TPGS2: variants seen among roughly 807,000 people sequenced by gnomAD.
TPGS2 encodes the protein polyglutamylase subunit 2.
In TPGS2, 26 loss-of-function variants were observed where a neutral mutation model predicts 31.1. The observed-to-expected ratio is 0.84, with a 90% CI of 0.61 to 1.16. The LOEUF is 1.16. Ranked by LOEUF, TPGS2 falls within the 50% of genes most tolerant of loss-of-function variation. The pLI, the probability that TPGS2 is intolerant of heterozygous loss-of-function variation, is 0.00. For synonymous variants in TPGS2, 130 were observed against 136.6 expected (o/e 0.95, Z 0.34); for missense variants, 351 against 363.8 (o/e 0.96, Z 0.29).
chr18:36,797,022 G>A lies in TPGS2; in HGVS notation c.686C>T (p.Thr229Ile), dbSNP rs746727820. The A allele has an allele frequency of 1.3e-6, 2 of 1,597,970 alleles. No individual in the cohort carries two copies. Among genetic ancestry groups the A allele is most frequent in the Non-Finnish European group, 1.7e-6 (2 of 1,175,494 alleles). ...KQWFSMYKPI[T>I]YNTNLLTEET... is the part of the protein sequence containing the mutation. ...TTCTGTGAGCAGGTTTGTGTTGTAG[G>A]TGATAGGTTTATACATGCTGAACCA... Residue 229 changes from threonine to isoleucine, a missense_variant, in exon 7 of 7, where the codon ACC (threonine) becomes ATC (isoleucine). By Grantham distance (89) the Thr-to-Ile change is moderately conservative. Coordinates refer to ENST00000334295, the MANE Select transcript of TPGS2 (RefSeq NM_015476.4).
In TPGS2 at chr18:36,794,183, A is replaced by C. The variant is rs2044415727; in HGVS notation, c.*2622T>G. ...AAAACACAGCCATAACAAGTTGAGA[A>C]AGACACTATGGAAGAAAGGAAAAAC... On this transcript the variant is annotated 3_prime_UTR_variant, in exon 7 of 7. Transcript: ENST00000334295. The C allele has an allele frequency of 1.3e-6, 1 of 775,394 alleles. No individual in the cohort carries two copies. The highest frequency in any genetic ancestry group is 1.6e-6 in the Non-Finnish European group (1 of 638,172). The allele number at this position is 775,394 out of a possible 1,614,324, so 48.0% of individuals were successfully genotyped here.
At chr18:36,794,104 G>A, downstream of TPGS2, 1 of 220,082 alleles carries the variant, frequency 4.5e-6, no homozygotes, top group Non-Finnish European at 7.7e-6. Context: ...TAAAATGCAT[G>A]ATAGGAATTT....
At position 36,798,851 on chromosome 18, in the gene TPGS2, G is replaced by C. The variant is rs145454771; in HGVS notation, c.497-242C>G. On this transcript the variant is annotated intron_variant, in intron 5 of 6. Coordinates refer to ENST00000334295, the MANE Select transcript of TPGS2 (RefSeq NM_015476.4). ...GCTAGATCAGTAGATTGATCTATCT[G>C]CTGGTCTCTGACCATCTGGAAGTCC... Among the ~76,000 whole-genome samples, 588 of 152,222 alleles carry C rather than the reference G, an allele frequency of 3.9e-3. 3 individuals carry two copies. Among genetic ancestry groups the C allele is most frequent in the African/African-American group, 0.013 (528 of 41,528 alleles).
chr18:36,781,762 G>C (rs745788837), downstream of TPGS2: 34 of 985,308 alleles, frequency 3.5e-5, no homozygotes, highest in Non-Finnish European at 4.1e-5. Context: ...ATAGGCCTCT[G>C]TGCCTGTGTT....
At chr18:36,804,142 T>G (rs1302432045) in intron 4 of TPGS2, among the ~76,000 whole-genome samples, 1 of 152,196 alleles carries the variant, frequency 6.6e-6, no homozygotes, top group African/African-American at 2.4e-5. Context: ...GTGTATTCTA[T>G]TTTTTGCTGA....
At chr18:36,823,242 C>T (rs552890659) in intron 1 of TPGS2, among the ~76,000 whole-genome samples, 12 of 152,144 alleles carry the variant, frequency 7.9e-5, no homozygotes, top group Non-Finnish European at 1.6e-4. Flanking sequence ...AGCTTGGGGT[C>T]ATCTTGGAAA....
chr18:36,785,858 G>T (rs2044114128), intron 6 of TPGS2, among the ~76,000 whole-genome samples: 1 of 152,050 alleles, frequency 6.6e-6, no homozygotes, highest in Non-Finnish European at 1.5e-5. Context: ...TCTTATAAAG[G>T]GTCAACCAAA....
At chr18:36,826,777 C>G (rs1057513935) in intron 1 of TPGS2, among the ~76,000 whole-genome samples, 11 of 152,068 alleles carry the variant, frequency 7.2e-5, no homozygotes, top group African/African-American at 2.2e-4. Flanking sequence ...TCTTGGGGAA[C>G]CCTAATACAA....
chr18:36,810,312 A>T (rs1403846935), intron 2 of TPGS2, among the ~76,000 whole-genome samples: 1 of 152,222 alleles, frequency 6.6e-6, no homozygotes, highest in Non-Finnish European at 1.5e-5. Context: ...GGTTGGAGAG[A>T]AAAGTAAACA....
rs371523887 is a variant in TPGS2 at position 36,796,613 on chromosome 18, G to C, written c.*192C>G. ...TTCCCCATTGCTTCCAGAGGCAGGG[G>C]ACAGCACAACCTGCTCTGGAGGCCT... is the stretch of plus-strand genomic sequence containing the variant. On this transcript the variant is annotated 3_prime_UTR_variant, in exon 7 of 7. Transcript: ENST00000334295. 3 of 1,353,422 alleles carry C rather than the reference G, an allele frequency of 2.2e-6. No homozygotes were observed. Among genetic ancestry groups the C allele is most frequent in the Non-Finnish European group, 9.4e-7 (1 of 1,059,566 alleles). 83.8% of individuals were successfully genotyped at this position (1,353,422 alleles called of 1,614,324 possible). A position where few individuals can be genotyped will look rare whatever the true frequency, so the allele number is the denominator to read the frequency against.
At chr18:36,826,718 A>G (rs981931133) in intron 1 of TPGS2, among the ~76,000 whole-genome samples, 2 of 152,184 alleles carry the variant, frequency 1.3e-5, no homozygotes, top group African/African-American at 4.8e-5. Flanking sequence ...GAGTAGGACT[A>G]TCTCCTGAGT....
At chr18:36,785,023 C>T (rs764993708) in intron 6 of TPGS2, among the ~76,000 whole-genome samples, 2 of 152,118 alleles carry the variant, frequency 1.3e-5, no homozygotes, top group Non-Finnish European at 2.9e-5. Flanking sequence ...CCTGGTCAGG[C>T]GTGGTGGCTC....
chr18:36,809,133 A>C (rs914909072), intron 2 of TPGS2, among the ~76,000 whole-genome samples: 13 of 152,204 alleles, frequency 8.5e-5, no homozygotes, highest in African/African-American at 3.1e-4. Flanking sequence ...GGACGATTTG[A>C]GTTCACTTCC....
At position 36,795,987 on chromosome 18, in the gene TPGS2, T is replaced by G; in HGVS notation, c.*818A>C. 1 of 985,472 alleles carries G rather than the reference T, an allele frequency of 1.0e-6. No individual in the cohort carries two copies. Among genetic ancestry groups the G allele is most frequent in the Non-Finnish European group, 1.2e-6 (1 of 829,940 alleles). The allele number at this position is 985,472 out of a possible 1,614,324, so 61.0% of individuals were successfully genotyped here. ...AAAGTATAGCAGAAGTACACCTTCTTTAAAAAGTTAATAAGGAAGATAATT... is the reference window on the plus strand; with the variant it reads ...AAAGTATAGCAGAAGTACACCTTCTGTAAAAAGTTAATAAGGAAGATAATT... On this transcript the variant is annotated 3_prime_UTR_variant, in exon 7 of 7. Coordinates refer to ENST00000334295, the MANE Select transcript of TPGS2 (RefSeq NM_015476.4).
chr18:36,812,501 G>A (rs111421981), intron 2 of TPGS2, among the ~76,000 whole-genome samples: 11 of 152,344 alleles, frequency 7.2e-5, no homozygotes, highest in Non-Finnish European at 1.3e-4. Context: ...GGAAGTTCCT[G>A]TAGTGTGGCG....
chr18:36,822,930 T>G (rs905771334), intron 1 of TPGS2, among the ~76,000 whole-genome samples: 28 of 152,234 alleles, frequency 1.8e-4, no homozygotes, highest in African/African-American at 6.3e-4. Flanking sequence ...ATGACAGTTA[T>G]GTTTGGTCTA....
chr18:36,800,456 G>C, intron 4 of TPGS2, 145 bp from the exon 5 acceptor site: 1 of 694,818 alleles, frequency 1.4e-6, no homozygotes, highest in South Asian at 1.7e-5. Context: ...AATAAATTCT[G>C]TATTTGAATT....
intron 1 of TPGS2, among the ~76,000 whole-genome samples, chr18:36,821,284 G>A (rs1458055820): frequency 6.6e-6 from 1 of 152,126 alleles, no homozygotes; most frequent in Non-Finnish European, 1.5e-5. Flanking sequence ...AAGTACTGAG[G>A]GGGGCAGACA....
In TPGS2 at chr18:36,814,769, G is replaced by A. The variant is rs137963251; in HGVS notation, c.165+4125C>T. On this transcript the variant is annotated intron_variant, in intron 2 of 6. Coordinates refer to ENST00000334295, the MANE Select transcript of TPGS2 (RefSeq NM_015476.4). Reference sequence around the variant, plus strand: ...TTCCACTTTATTCCGATGTTGCTTTGGAATAAAGTGATTTCTGAGGCATAT... The same window carrying A: ...TTCCACTTTATTCCGATGTTGCTTTAGAATAAAGTGATTTCTGAGGCATAT... Among the ~76,000 whole-genome samples the A allele has an allele frequency of 2.0e-5, 3 of 152,228 alleles. No individual in the cohort carries two copies. The East Asian group carries it at 5.8e-4, about 29-fold the overall frequency.
Sources: gnomAD v4.1 joint callset for allele counts (sites outside exome capture counted in the v4.1 genomes callset) on GRCh38, gnomAD v4.1.1 for gene constraint, MANE v1.5 for transcripts, NCBI Gene and HGNC (gene_info 2026-07-23, HGNC 2026-07-21) for gene names.